MAML3: variants seen among roughly 807,000 people sequenced by gnomAD.
MAML3 encodes the protein mastermind like transcriptional coactivator 3.
A neutral mutation model predicts 101.9 loss-of-function variants in MAML3; 27 were observed. That is an observed-to-expected ratio of 0.27 (90% CI 0.20 to 0.37). The LOEUF is 0.37. Among genes scored for constraint, MAML3 ranks in the 10% least tolerant of loss-of-function variants. The probability of loss-of-function intolerance (pLI) is 1.00; values close to 1 mark genes in which losing one functional copy is unlikely to be tolerated. For missense variants in MAML3, 1,316 were observed against 1,444.9 expected, an observed-to-expected ratio of 0.91 and a Z score of 1.45; for synonymous variants, 501 against 555.9, an observed-to-expected ratio of 0.90 and a Z score of 1.39.
intron 1 of MAML3, among the ~76,000 whole-genome samples, chr4:140,029,002 C>CT (rs2110888357): frequency 6.6e-6 from 1 of 152,248 alleles, no homozygotes; most frequent in South Asian, 2.1e-4. Context: ...GATGTCCAGT[C>CT]TTCGAGGTGA....
At chr4:140,115,481 T>C (rs906130650) in intron 1 of MAML3, among the ~76,000 whole-genome samples, 1 of 152,174 alleles carries the variant, frequency 6.6e-6, no homozygotes, top group African/African-American at 2.4e-5. Flanking sequence ...TAAGAGTAAA[T>C]ATTTTCATCC....
intron 1 of MAML3, among the ~76,000 whole-genome samples, chr4:139,952,994 G>A (rs1733857232): frequency 6.6e-6 from 1 of 152,162 alleles, no homozygotes; most frequent in Non-Finnish European, 1.5e-5. Flanking sequence ...GAGGTCACTG[G>A]GGATTTCAGG....
chr4:139,781,988 CG>C (rs1433900369), intron 2 of MAML3, among the ~76,000 whole-genome samples: 1 of 151,968 alleles, frequency 6.6e-6, no homozygotes, highest in Non-Finnish European at 1.5e-5. Flanking sequence ...CTGGATACCA[CG>C]GGGAACTGTT....
At chr4:139,855,969 A>G (rs1560815275) in intron 2 of MAML3, among the ~76,000 whole-genome samples, 3 of 152,218 alleles carry the variant, frequency 2.0e-5, no homozygotes. Context: ...TCCTTCTGCT[A>G]TACACGGACT....
In MAML3 at chr4:140,012,985, G is replaced by A. The variant is rs553714592; in HGVS notation, c.469-122018C>T. Among the ~76,000 whole-genome samples the A allele has an allele frequency of 3.9e-5, 6 of 152,300 alleles. No homozygotes were observed. In the East Asian group the frequency reaches 7.7e-4, roughly 20 times the overall value. ...GTATCCACGGAAATGACCTCTATCCGTGGTGCGTATGACTAATCATATCCA... is the reference window on the plus strand; with the variant it reads ...GTATCCACGGAAATGACCTCTATCCATGGTGCGTATGACTAATCATATCCA... On this transcript the variant is annotated intron_variant, in intron 1 of 4. Transcript: ENST00000509479.
intron 1 of MAML3, among the ~76,000 whole-genome samples, chr4:139,964,932 G>A (rs1734097947): frequency 6.6e-6 from 1 of 152,126 alleles, no homozygotes; most frequent in Non-Finnish European, 1.5e-5. Context: ...AATACTCTCA[G>A]CATGGCCAAT....
chr4:139,841,885 G>A (rs1731368444), intron 2 of MAML3, among the ~76,000 whole-genome samples: 1 of 152,204 alleles, frequency 6.6e-6, no homozygotes, highest in Admixed American at 6.5e-5. Context: ...AGAGCTTCCT[G>A]ATGTTCCCTC....
intron 2 of MAML3, among the ~76,000 whole-genome samples, chr4:139,764,302 C>T (rs541523994): frequency 6.6e-6 from 1 of 152,286 alleles, no homozygotes; most frequent in East Asian, 1.9e-4. Context: ...AACTCCACGC[C>T]CTGCTCACCA....
chr4:140,006,542 C>T (rs1449072751), intron 1 of MAML3, among the ~76,000 whole-genome samples: 1 of 144,166 alleles, frequency 6.9e-6, no homozygotes, highest in East Asian at 2.1e-4. Flanking sequence ...GCCGAGATGG[C>T]GCCGCTGCAC....
intron 1 of MAML3, among the ~76,000 whole-genome samples, chr4:140,117,639 GT>G (rs1478041445): frequency 6.8e-6 from 1 of 146,116 alleles, no homozygotes. Flanking sequence ...ATGTATGTAT[GT>G]GTATACAGGT....
chr4:139,727,140 ATTTTC>A, intron 3 of MAML3, among the ~76,000 whole-genome samples: 1 of 152,116 alleles, frequency 6.6e-6, no homozygotes, highest in African/African-American at 2.4e-5. Context: ...CTGCTCTATA[ATTTTC>A]TTTTCTTTTT....
At chr4:140,152,807 C>A (rs1729198317) in intron 1 of MAML3, 53 bp downstream of exon 1, 3 of 1,569,982 alleles carry the variant, frequency 1.9e-6, no homozygotes, top group Admixed American at 1.8e-5. Context: ...CGCCCCCCAC[C>A]ACCACCACCA....
chr4:139,957,612 C>G (rs1465133111), intron 1 of MAML3, among the ~76,000 whole-genome samples: 1 of 152,120 alleles, frequency 6.6e-6, no homozygotes, highest in African/African-American at 2.4e-5. Context: ...AGTGTTTGGA[C>G]CAAAGAATGA....
At chr4:139,790,222 T>TA (rs1484146942) in intron 2 of MAML3, among the ~76,000 whole-genome samples, 2 of 141,804 alleles carry the variant, frequency 1.4e-5, no homozygotes, top group Non-Finnish European at 3.0e-5. Flanking sequence ...GTGACATATA[T>TA]ATATATATAT....
intron 2 of MAML3, among the ~76,000 whole-genome samples, chr4:139,812,650 A>G (rs62322632): frequency 0.35 from 53,897 of 152,058 alleles, 10,022 homozygotes; most frequent in Admixed American, 0.42. Context: ...CAGTCTTACA[A>G]CTTCTAGACA....
chr4:139,730,175 C>T (rs1310668445), intron 3 of MAML3: 1 of 571,676 alleles, frequency 1.7e-6, no homozygotes. Flanking sequence ...ATGTCTCTGG[C>T]ACACAGGCCT....
At chr4:139,968,096 T>C (rs1734169954) in intron 1 of MAML3, among the ~76,000 whole-genome samples, 1 of 151,690 alleles carries the variant, frequency 6.6e-6, no homozygotes, top group South Asian at 2.1e-4. Flanking sequence ...CTGGCCAGCA[T>C]GGTGAAACCC....
rs1389933039 is a variant in MAML3, at chr4:140,153,051, T to A, written c.277A>T (p.Asn93Tyr). 1 of 1,579,982 alleles carries A rather than the reference T, an allele frequency of 6.3e-7. No homozygotes were observed. The highest frequency in any genetic ancestry group is 1.8e-5 in the Admixed American group (1 of 54,760). Reference protein sequence around the residue: ...GCRRHHVNCENRYQQAQVEQL... With the variant: ...GCRRHHVNCEYRYQQAQVEQL... The stretch of plus-strand genomic sequence containing the variant: ...TCCACCTGAGCCTGCTGGTACCTGT[T>A]CTCGCAGTTGACGTGGTGCCGACGG... Residue 93 changes from asparagine (N) to tyrosine (Y), a missense_variant, in exon 1 of 5, where the codon AAC (asparagine) becomes TAC (tyrosine). Physicochemically the swap from Asn to Tyr is moderately radical, Grantham distance 143. Transcript: ENST00000509479.
At chr4:139,995,800 T>G (rs1734797237) in intron 1 of MAML3, among the ~76,000 whole-genome samples, 1 of 152,062 alleles carries the variant, frequency 6.6e-6, no homozygotes, top group South Asian at 2.1e-4. Flanking sequence ...TTTATTGATT[T>G]CTGCTCTAAT....
Sources: gnomAD v4.1 joint callset for allele counts (sites outside exome capture counted in the v4.1 genomes callset) on GRCh38, gnomAD v4.1.1 for gene constraint, MANE v1.5 for transcripts, NCBI Gene and HGNC (gene_info 2026-07-23, HGNC 2026-07-21) for gene names.